Variants in OPCML observed in about 807,000 individuals in gnomAD.
OPCML encodes the protein opioid-binding protein/cell adhesion molecule.
A neutral mutation model predicts 37.8 loss-of-function variants in OPCML; 13 were observed. That is an observed-to-expected ratio of 0.34 (90% CI 0.22 to 0.55). The LOEUF is 0.55. Ranked by LOEUF, OPCML falls within the 20% of genes least tolerant of loss-of-function variation. The pLI is 0.91. For synonymous variants in OPCML, 176 were observed against 168.8 expected, an observed-to-expected ratio of 1.04 and a Z score of -0.33; for missense variants, 341 against 435.6, an observed-to-expected ratio of 0.78 and a Z score of 1.93.
At chr11:133,331,679 T>C (rs532025855) in intron 1 of OPCML, among the ~76,000 whole-genome samples, 1 of 152,286 alleles carries the variant, frequency 6.6e-6, no homozygotes, top group South Asian at 2.1e-4. Flanking sequence ...TCAACCTCTA[T>C]TATTTCAAAA....
At position 133,321,292 on chromosome 11, in the gene OPCML, C is replaced by T. The variant is rs559171119; in HGVS notation, c.61+210972G>A. Among the ~76,000 whole-genome samples the T allele has an allele frequency of 2.0e-5, 3 of 152,316 alleles. No homozygotes were observed. The East Asian group carries it at 5.8e-4, about 29-fold the overall frequency. ...TGCAAGCTCCTGCTGCCATCAGAAG[C>T]TCCGTAAGTACCGCATTTACTGAGA... On this transcript the variant is annotated intron_variant, in intron 1 of 7. Transcript: ENST00000524381.
rs572382625 is a variant in OPCML at position 133,295,565 on chromosome 11, C to G, written c.61+236699G>C. On this transcript the variant is annotated intron_variant, in intron 1 of 7. Coordinates refer to ENST00000524381, the MANE Select transcript of OPCML (RefSeq NM_001012393.5). ...GGGAAAAACAATGCATTGTTTAGAG[C>G]ATGCCTTACTGGGTTATTATTTTTT... is the stretch of plus-strand genomic sequence containing the variant. Among the ~76,000 whole-genome samples, 28 of 152,240 alleles carry G rather than the reference C, an allele frequency of 1.8e-4. No homozygotes were observed. In the East Asian group the frequency reaches 5.2e-3, roughly 28 times the overall value.
intron 2 of OPCML, among the ~76,000 whole-genome samples, chr11:132,881,600 G>A (rs1348055606): frequency 1.3e-5 from 2 of 149,354 alleles, no homozygotes; most frequent in African/African-American, 2.5e-5. Context: ...AAAGAATTAG[G>A]CAAGATCCCA....
intron 7 of OPCML, among the ~76,000 whole-genome samples, chr11:132,422,115 A>G (rs2095961530): frequency 6.6e-6 from 1 of 152,168 alleles, no homozygotes; most frequent in Non-Finnish European, 1.5e-5. Context: ...TTGTATGTGT[A>G]TATGTATATA....
chr11:133,384,982 C>T (rs893113927), intron 1 of OPCML, among the ~76,000 whole-genome samples: 2 of 152,226 alleles, frequency 1.3e-5, no homozygotes, highest in African/African-American at 4.8e-5. Context: ...AGGGTGGCCC[C>T]GAGGTCTCCG....
chr11:133,187,620 G>T (rs1412376236), intron 1 of OPCML, among the ~76,000 whole-genome samples: 1 of 152,088 alleles, frequency 6.6e-6, no homozygotes, highest in Non-Finnish European at 1.5e-5. Flanking sequence ...GCACTAAACA[G>T]TTAAAAGAGG....
chr11:132,572,798 T>G (rs10894583), intron 3 of OPCML, among the ~76,000 whole-genome samples: 112,004 of 151,922 alleles, frequency 0.74, 41,805 homozygotes, highest in East Asian at 0.87. Flanking sequence ...AAGTCTCTGA[T>G]ATTTTGATAG....
intron 4 of OPCML, among the ~76,000 whole-genome samples, chr11:132,516,326 C>G (rs913447316): frequency 3.3e-5 from 5 of 152,168 alleles, no homozygotes; most frequent in Non-Finnish European, 7.3e-5. Flanking sequence ...ACATCCTTCA[C>G]TCTGTACATC....
intron 1 of OPCML, among the ~76,000 whole-genome samples, chr11:133,091,705 T>C (rs1167721155): frequency 2.0e-5 from 3 of 152,202 alleles, no homozygotes; most frequent in Non-Finnish European, 4.4e-5. Flanking sequence ...CCCACCATGG[T>C]ATTTCAAAAG....
At chr11:133,524,159 T>C (rs1400788140) in intron 1 of OPCML, among the ~76,000 whole-genome samples, 1 of 152,244 alleles carries the variant, frequency 6.6e-6, no homozygotes, top group Non-Finnish European at 1.5e-5. Flanking sequence ...ATAAATGTGC[T>C]TGGTACTGTA....
chr11:132,918,114 A>G (rs532123601), intron 2 of OPCML, among the ~76,000 whole-genome samples: 1 of 152,352 alleles, frequency 6.6e-6, no homozygotes, highest in African/African-American at 2.4e-5. Flanking sequence ...TCTTTAATTT[A>G]CTAATTTAAT....
At chr11:132,989,312 A>G (rs1946733108) in intron 1 of OPCML, among the ~76,000 whole-genome samples, 1 of 152,218 alleles carries the variant, frequency 6.6e-6, no homozygotes, top group Admixed American at 6.5e-5. Flanking sequence ...AACGCAAATG[A>G]ACCACAGCAC....
chr11:132,743,763 G>A (rs982115576), intron 2 of OPCML, among the ~76,000 whole-genome samples: 1 of 152,248 alleles, frequency 6.6e-6, no homozygotes. Context: ...ATTGCTTTCC[G>A]CTGAGGTCTC....
At chr11:133,433,608 G>C (rs960714095) in intron 1 of OPCML, among the ~76,000 whole-genome samples, 26 of 152,104 alleles carry the variant, frequency 1.7e-4, no homozygotes, top group Non-Finnish European at 2.6e-4. Flanking sequence ...TTACGACATG[G>C]GAGCCACACA....
chr11:133,239,613 G>A (rs1940650432), intron 1 of OPCML, among the ~76,000 whole-genome samples: 1 of 152,228 alleles, frequency 6.6e-6, no homozygotes, highest in Admixed American at 6.5e-5. Context: ...TGCCAAGTGA[G>A]AAAGACCAAA....
At chr11:132,840,611 T>C (rs1941244976) in intron 2 of OPCML, among the ~76,000 whole-genome samples, 1 of 152,194 alleles carries the variant, frequency 6.6e-6, no homozygotes, top group African/African-American at 2.4e-5. Flanking sequence ...CTCATTTCCC[T>C]AATCCACAGA....
chr11:133,414,882 C>T (rs143232025), intron 1 of OPCML, among the ~76,000 whole-genome samples: 2 of 152,196 alleles, frequency 1.3e-5, no homozygotes, highest in Non-Finnish European at 2.9e-5. Context: ...GAAATACAGA[C>T]ATAGACATAG....
chr11:132,830,536 A>G (rs77013628), intron 2 of OPCML, among the ~76,000 whole-genome samples: 3,595 of 152,230 alleles, frequency 0.024, 151 homozygotes, highest in African/African-American at 0.082. Context: ...GCAGTTCTCA[A>G]TTATCATCAA....
At chr11:133,396,649 C>T (rs527351712) in intron 1 of OPCML, among the ~76,000 whole-genome samples, 6 of 152,246 alleles carry the variant, frequency 3.9e-5, no homozygotes, top group Admixed American at 2.6e-4. Context: ...TCAAGGGATG[C>T]GGTGATAATA....
Sources: gnomAD v4.1 joint callset for allele counts (sites outside exome capture counted in the v4.1 genomes callset) on GRCh38, gnomAD v4.1.1 for gene constraint, MANE v1.5 for transcripts, NCBI Gene and HGNC (gene_info 2026-07-23, HGNC 2026-07-21) for gene names.